EGR3: variants seen among roughly 807,000 people sequenced by gnomAD.
The protein encoded by EGR3 is early growth response 3, also known as early growth response protein 3.
In EGR3, 4 loss-of-function variants were observed where a neutral mutation model predicts 22.4. The observed-to-expected ratio is 0.18, with a 90% confidence interval of 0.09 to 0.41. The LOEUF (loss-of-function observed/expected upper bound fraction) is 0.41, where lower values mean the gene tolerates loss of function less well. EGR3 is among the 10% of genes least tolerant of loss of function. The pLI is 1.00. For synonymous variants in EGR3, 219 were observed against 226.8 expected (o/e 0.97, Z 0.31); for missense variants, 315 against 541.3 (o/e 0.58, Z 4.15).
rs763838150 is a variant in EGR3, at chr8:22,690,569, G to A, written c.1068C>T (p.Leu356=). Residue 356 remains leucine, a synonymous_variant, in exon 2 of 2, where the codon CTC becomes CTT. Transcript: ENST00000317216. ...DERKRHAKIH[L]KQKEKKAEKG... ...TCTCCGCCTTCTTCTCCTTTTGCTT[G>A]AGGTGGATCTTGGCGTGGCGCTTGC... 1 of 1,613,990 alleles carries A rather than the reference G, an allele frequency of 6.2e-7. No individual in the cohort carries two copies. Among genetic ancestry groups the A allele is most frequent in the South Asian group, 1.1e-5 (1 of 91,088 alleles).
In EGR3 at chr8:22,691,096, G is replaced by T; in HGVS notation, c.541C>A (p.Pro181Thr). Residue 181 changes from proline to threonine, a missense_variant, in exon 2 of 2, where the codon CCG becomes ACG. Pro to Thr is a conservative substitution (Grantham distance 38). This residue lies in a region of EGR3 where 227 missense variants were observed against 303.6 expected (regional missense o/e 0.75). Coordinates refer to ENST00000317216, the MANE Select transcript of EGR3 (RefSeq NM_004430.3). ...GGGAAGAGATTGCTGTCCAACGCCG[G>T]CTTGGCCGATTGGTAATCCTGGGGG... Reference protein sequence around the residue: ...YSPQDYQSAKPALDSNLFPMI... With the variant: ...YSPQDYQSAKTALDSNLFPMI... The T allele has an allele frequency of 6.2e-7, 1 of 1,613,900 alleles. No homozygotes were observed. The highest frequency in any genetic ancestry group is 1.1e-5 in the South Asian group (1 of 91,078).
rs1803829470 is a variant in EGR3, at chr8:22,688,265, A to G, written c.*2208T>C. The G allele has an allele frequency of 6.6e-6, 1 of 152,646 alleles. No individual in the cohort carries two copies. The highest frequency in any genetic ancestry group is 2.4e-5 in the African/African-American group (1 of 41,444). The allele number at this position is 152,646 out of a possible 1,614,324, so 9.5% of individuals were successfully genotyped here. A position where few individuals can be genotyped will look rare whatever the true frequency, so the allele number is the denominator to read the frequency against. On this transcript the variant is annotated 3_prime_UTR_variant, in exon 2 of 2. Coordinates refer to ENST00000317216, the MANE Select transcript of EGR3 (RefSeq NM_004430.3). ...AGGAAAACTCAATTATCATGCAGTGACATGCATATACCAGAAGGAGCGAGG... is the reference window on the plus strand; with the variant it reads ...AGGAAAACTCAATTATCATGCAGTGGCATGCATATACCAGAAGGAGCGAGG...
In EGR3 at chr8:22,688,622, G is replaced by T. The variant is rs549604571; in HGVS notation, c.*1851C>A. ...AATGGTACTTCTTTTTCTTAAAAAAGAAAAAAGTGGAAAACGCATAAAGTG... is the reference window on the plus strand; with the variant it reads ...AATGGTACTTCTTTTTCTTAAAAAATAAAAAAGTGGAAAACGCATAAAGTG... On this transcript the variant is annotated 3_prime_UTR_variant, in exon 2 of 2. Transcript: ENST00000317216. 6.6e-6 allele frequency: 1 copy of T among 152,370 alleles called. No individual in the cohort carries two copies. The highest frequency in any genetic ancestry group is 1.5e-5 in the Non-Finnish European group (1 of 68,000). The allele number at this position is 152,370 out of a possible 1,614,324, so 9.4% of individuals were successfully genotyped here.
In EGR3 at chr8:22,692,485, C is replaced by A. The variant is rs1804005204; in HGVS notation, c.154+306G>T. 6.3e-6 allele frequency: 9 copies of A among 1,430,212 alleles called. No individual in the cohort carries two copies. Among genetic ancestry groups the A allele is most frequent in the Non-Finnish European group, 8.2e-6 (9 of 1,096,776 alleles). The allele number at this position is 1,430,212 out of a possible 1,614,324, so 88.6% of individuals were successfully genotyped here. A position where few individuals can be genotyped will look rare whatever the true frequency, so the allele number is the denominator to read the frequency against. On this transcript the variant is annotated intron_variant, in intron 1 of 1. Transcript: ENST00000317216. The surrounding 1 kb of genome is among the most constrained non-coding windows in gnomAD (Gnocchi z 6.2). ...TGCGTGGTGAGGGAGAACCCCAGAG[C>A]CGCTCGCACCTACCTCCCTCCGGTC...
In EGR3 at chr8:22,690,428, C is replaced by CG; in HGVS notation, c.*44dup. 6.6e-7 allele frequency: 1 copy of CG among 1,509,206 alleles called. No homozygotes were observed. The highest frequency in any genetic ancestry group is 9.0e-7 in the Non-Finnish European group (1 of 1,114,276). 93.5% of individuals were successfully genotyped at this position (1,509,206 alleles called of 1,614,324 possible). A position where few individuals can be genotyped will look rare whatever the true frequency, so the allele number is the denominator to read the frequency against. ...TTCCCGCTGCTTTCAGGCTAGCAGCCGGGAGGCACTGGAGGGGAAAAGTGG... is the reference window on the plus strand; with the variant it reads ...TTCCCGCTGCTTTCAGGCTAGCAGCCGGGGAGGCACTGGAGGGGAAAAGTGG... On this transcript the variant is annotated 3_prime_UTR_variant, in exon 2 of 2. Coordinates refer to ENST00000317216, the MANE Select transcript of EGR3 (RefSeq NM_004430.3).
rs1279371426 is a variant in EGR3, at chr8:22,692,251, C to G, written c.154+540G>C. The G allele has an allele frequency of 6.7e-6, 10 of 1,484,806 alleles. No individual in the cohort carries two copies. The highest frequency in any genetic ancestry group is 8.9e-6 in the Non-Finnish European group (10 of 1,123,616). 92.0% of individuals were successfully genotyped at this position (1,484,806 alleles called of 1,614,324 possible). A position where few individuals can be genotyped will look rare whatever the true frequency, so the allele number is the denominator to read the frequency against. ...AACCCCCTCCTTCTCCCCGCCGTCCCCACACCCCCACGGCTTTGCTGAACG... is the reference window on the plus strand; with the variant it reads ...AACCCCCTCCTTCTCCCCGCCGTCCGCACACCCCCACGGCTTTGCTGAACG... On this transcript the variant is annotated intron_variant, in intron 1 of 1. Transcript: ENST00000317216. This position sits in a 1 kb window ranked among gnomAD's most constrained non-coding sequence, Gnocchi z 6.2.
At chr8:22,691,974 C>T (rs1459654278) in intron 1 of EGR3, 1 of 1,265,410 alleles carries the variant, frequency 7.9e-7, no homozygotes, top group South Asian at 2.7e-5. Context: ...CCAGAGCGCT[C>T]CGACGCTTTG....
intron 1 of EGR3, chr8:22,691,937 C>G (rs866546430): frequency 8.0e-7 from 1 of 1,244,286 alleles, no homozygotes; most frequent in East Asian, 3.3e-5. Flanking sequence ...CGATGCCCCC[C>G]ACGCGCGCTG....
Position 22,688,171 on chromosome 8 carries a change from A to C in EGR3, c.*2302T>G, listed in dbSNP as rs1001054016. 1 of 152,428 alleles carries C rather than the reference A, an allele frequency of 6.6e-6. No individual in the cohort carries two copies. Among genetic ancestry groups the C allele is most frequent in the Non-Finnish European group, 1.5e-5 (1 of 67,996 alleles). The allele number at this position is 152,428 out of a possible 1,614,324, so 9.4% of individuals were successfully genotyped here. On this transcript the variant is annotated 3_prime_UTR_variant, in exon 2 of 2. Transcript: ENST00000317216. ...ACATATAAAAAATCTGGATAGCACA[A>C]CCTTTTGGCAACAAAGTTATTTTTC...
chr8:22,692,849 C>G lies in EGR3; in HGVS notation c.96G>C (p.Ala32=). ...CGCTGCTGCCGGAGAAGAGGTTGAG[C>G]GCGCTGGGGATCTCCTCGGGGTACA... ...DNLYPEEIPS[A]LNLFSGSSDS... is the part of the protein sequence containing the mutation. The change falls in exon 1 of 2, where the codon GCG becomes GCC. Residue 32 remains alanine, a synonymous_variant. Transcript: ENST00000317216. This position sits in a 1 kb window ranked among gnomAD's most constrained non-coding sequence, Gnocchi z 6.2. 6.2e-7 allele frequency: 1 copy of G among 1,613,436 alleles called. No individual in the cohort carries two copies. Among genetic ancestry groups the G allele is most frequent in the South Asian group, 1.1e-5 (1 of 91,054 alleles).
chr8:22,690,715 G>A lies in EGR3; in HGVS notation c.922C>T (p.Arg308Trp). ...IHTGHKPFQC[R>W]ICMRSFSRSD... ...CGGCTGAAGCTCCGCATGCAGATCC[G>A]GCACTGGAAGGGCTTGTGGCCCGTG... Residue 308 changes from arginine (R) to tryptophan (W), a missense_variant, in exon 2 of 2, where the codon CGG becomes TGG. Arg to Trp is a moderately radical substitution (Grantham distance 101). Transcript: ENST00000317216. The A allele has an allele frequency of 6.2e-7, 1 of 1,614,088 alleles. No homozygotes were observed. The highest frequency in any genetic ancestry group is 8.5e-7 in the Non-Finnish European group (1 of 1,179,938).
Position 22,690,504 on chromosome 8 carries a change from G to A in EGR3, c.1133C>T (p.Ser378Leu). 1 of 1,609,116 alleles carries A rather than the reference G, an allele frequency of 6.2e-7. No individual in the cohort carries two copies. Among genetic ancestry groups the A allele is most frequent in the South Asian group, 1.1e-5 (1 of 90,966 alleles). ...GCAGGTGGTGACCACGGGGGCCAGC[G>A]ACACGGGGGGCGCCGAGGATGCAGA... ...APSASSAPPV[S>L]LAPVVTTCA Residue 378 changes from serine to leucine, a missense_variant, in exon 2 of 2, where the codon TCG (serine) becomes TTG (leucine). This residue lies in a region of EGR3 where 38 missense variants were observed against 37.5 expected (regional missense o/e 1.01). Coordinates refer to ENST00000317216, the MANE Select transcript of EGR3 (RefSeq NM_004430.3).
chr8:22,691,588 T>G, intron 1 of EGR3, 106 bp from the exon 2 acceptor site: 3 of 1,498,224 alleles, frequency 2.0e-6, no homozygotes, highest in Non-Finnish European at 2.7e-6. Context: ...CCGGGTGGAG[T>G]GCGTAGCGCA....
rs1330216076 is a variant in EGR3 at position 22,691,374 on chromosome 8, T to C, written c.263A>G (p.Lys88Arg). 6.2e-7 allele frequency: 1 copy of C among 1,614,094 alleles called. No individual in the cohort carries two copies. Among genetic ancestry groups the C allele is most frequent in the Admixed American group, 1.7e-5 (1 of 60,020 alleles). The part of the protein sequence containing the change: ...PGNKTVTYLG[K>R]FAFDSPSNWC... ...GTTGGAAGGGGAGTCGAAGGCGAACTTTCCCAAGTAGGTCACGGTCTTGTT... is the reference window on the plus strand; with the variant it reads ...GTTGGAAGGGGAGTCGAAGGCGAACCTTCCCAAGTAGGTCACGGTCTTGTT... The change falls in exon 2 of 2, where the codon AAG becomes AGG. Residue 88 changes from lysine (K) to arginine (R), a missense_variant. Physicochemically the swap from Lys to Arg is conservative, Grantham distance 26. Coordinates refer to ENST00000317216, the MANE Select transcript of EGR3 (RefSeq NM_004430.3).
chr8:22,690,992 C>T lies in EGR3; in HGVS notation c.645G>A (p.Met215Ile), dbSNP rs1294835197. 6.3e-7 allele frequency: 1 copy of T among 1,578,144 alleles called. No homozygotes were observed. The highest frequency in any genetic ancestry group is 8.6e-7 in the Non-Finnish European group (1 of 1,159,368). Residue 215 changes from methionine to isoleucine, a missense_variant, in exon 2 of 2, where the codon ATG becomes ATA. Met to Ile is a conservative substitution (Grantham distance 10). Transcript: ENST00000317216. ...GGGGCGGGTTGACCCGGATGGGGTC[C>T]ATGCCCTGGAAGGGCTTGTGCTCCG... ...SIPEHKPFQG[M>I]DPIRVNPPPI...
intron 1 of EGR3, 152 bp from the exon 2 acceptor site, chr8:22,691,634 G>T: frequency 7.0e-7 from 1 of 1,429,058 alleles, no homozygotes; most frequent in Non-Finnish European, 9.2e-7. Context: ...GCGCAAAGCG[G>T]GCGGTGCCGC....
chr8:22,693,031 G>A lies in EGR3; in HGVS notation c.-87C>T. On this transcript the variant is annotated 5_prime_UTR_variant, in exon 1 of 2. Coordinates refer to ENST00000317216, the MANE Select transcript of EGR3 (RefSeq NM_004430.3). ...CAGCTTCCAGGCAAGCGGCATCCGA[G>A]AGGCGATCCGTGGTGCAGGGGAAAA... 6.7e-7 allele frequency: 1 copy of A among 1,487,584 alleles called. No individual in the cohort carries two copies. The highest frequency in any genetic ancestry group is 9.0e-7 in the Non-Finnish European group (1 of 1,117,022). The allele number at this position is 1,487,584 out of a possible 1,614,324, so 92.1% of individuals were successfully genotyped here.
In EGR3 at chr8:22,691,035, T is replaced by C. The variant is rs1428349287; in HGVS notation, c.602A>G (p.Asn201Ser). The change falls in exon 2 of 2, where the codon AAC becomes AGC. Residue 201 changes from asparagine to serine, a missense_variant. Transcript: ENST00000317216. ...GTGCTCCGGAATGGAGCCCATGTCG[T>C]TGGGGTGGTGGTAGAGGTTGTAGTC... The part of the protein sequence containing the change: ...IPDYNLYHHP[N>S]DMGSIPEHKP... The C allele has an allele frequency of 3.1e-6, 5 of 1,602,570 alleles. No individual in the cohort carries two copies. In the Admixed American group the frequency reaches 5.0e-5, roughly 16 times the overall value.
In EGR3 at chr8:22,693,204, G is replaced by A. The variant is rs1176059757; in HGVS notation, c.-260C>T. On this transcript the variant is annotated 5_prime_UTR_variant, in exon 1 of 2. Coordinates refer to ENST00000317216, the MANE Select transcript of EGR3 (RefSeq NM_004430.3). ...CCTCAGCTGGTGCGGTATGAGGCTG[G>A]GTCGTGGGGGGGGTGGGGCGTGTGC... 6.7e-6 allele frequency: 1 copy of A among 148,958 alleles called. No homozygotes were observed. The highest frequency in any genetic ancestry group is 2.7e-5 in the African/African-American group (1 of 37,008). The allele number at this position is 148,958 out of a possible 1,614,324, so 9.2% of individuals were successfully genotyped here. A position where few individuals can be genotyped will look rare whatever the true frequency, so the allele number is the denominator to read the frequency against.
Sources: allele counts gnomAD v4.1 joint callset, GRCh38; gene constraint gnomAD v4.1.1; regional missense constraint gnomAD v4.1.1; non-coding constraint Gnocchi (gnomAD v3.1); transcripts MANE v1.5; gene names NCBI Gene and HGNC (gene_info 2026-07-23, HGNC 2026-07-21).